SLC35F3: variants seen among roughly 807,000 people sequenced by gnomAD.
SLC35F3 encodes the protein putative thiamine transporter SLC35F3.
A neutral mutation model predicts 49.9 loss-of-function variants in SLC35F3; 25 were observed. The ratio of observed to expected loss-of-function variants is 0.50; its 90% confidence interval spans 0.37 to 0.70. The LOEUF (loss-of-function observed/expected upper bound fraction) is 0.70. SLC35F3 is among the 30% of genes least tolerant of loss of function. The probability of loss-of-function intolerance (pLI) is 0.00; values close to 1 mark genes in which losing one functional copy is unlikely to be tolerated. For synonymous variants in SLC35F3, 275 were observed against 265.4 expected, an observed-to-expected ratio of 1.04 and a Z score of -0.35; for missense variants, 525 against 639.8, an observed-to-expected ratio of 0.82 and a Z score of 1.94.
In SLC35F3 at chr1:233,996,977, G is replaced by A. The variant is rs923199703; in HGVS notation, c.283+91219G>A. ...TATTTGACATTTTGGGGTGTTTTTC[G>A]ATTTCACATGTAAGTGAGATCATCT... is the stretch of plus-strand genomic sequence containing the variant. On this transcript the variant is annotated intron_variant, in intron 2 of 7. Coordinates refer to ENST00000366618, the MANE Select transcript of SLC35F3 (RefSeq NM_173508.4). 7.9e-5 allele frequency among the ~76,000 whole-genome samples: 12 copies of A among 152,014 alleles called. 1 individual carries two copies. In the East Asian group the frequency reaches 2.1e-3, roughly 27 times the overall value.
intron 2 of SLC35F3, among the ~76,000 whole-genome samples, chr1:233,981,430 G>A (rs1299418224): frequency 2.0e-5 from 3 of 152,174 alleles, no homozygotes; most frequent in Admixed American, 6.5e-5. Context: ...CATCTTCTGA[G>A]ACTGGCTTCT....
At chr1:233,970,278 A>G (rs1436510243) in intron 2 of SLC35F3, among the ~76,000 whole-genome samples, 1 of 152,186 alleles carries the variant, frequency 6.6e-6, no homozygotes. Flanking sequence ...GGGAATGCTC[A>G]GTGAGTTCTT....
At chr1:234,142,269 CG>C (rs1358835657) in intron 2 of SLC35F3, among the ~76,000 whole-genome samples, 2 of 151,804 alleles carry the variant, frequency 1.3e-5, no homozygotes, top group African/African-American at 4.8e-5. Flanking sequence ...ATAAAGCTTA[CG>C]AAAAAAAAGA....
At position 234,259,378 on chromosome 1, in the gene SLC35F3, A is replaced by G. The variant is rs10910401; in HGVS notation, c.608+27637A>G. Among the ~76,000 whole-genome samples the G allele has an allele frequency of 2.6e-3, 391 of 152,282 alleles. 1 individual carries two copies. Among genetic ancestry groups the G allele is most frequent in the African/African-American group, 9.0e-3 (376 of 41,554 alleles). On this transcript the variant is annotated intron_variant, in intron 3 of 7. Transcript: ENST00000366618. ...ATTGAAATCAACAATAATAAGAAAGAAATAGGGTTTTTATTCAATCCAGAC... is the reference window on the plus strand; with the variant it reads ...ATTGAAATCAACAATAATAAGAAAGGAATAGGGTTTTTATTCAATCCAGAC...
intron 2 of SLC35F3, among the ~76,000 whole-genome samples, chr1:233,947,835 CAA>C (rs2102802960): frequency 6.9e-6 from 1 of 145,460 alleles, no homozygotes; most frequent in African/African-American, 2.5e-5. Context: ...GGCTGAGAGC[CAA>C]AAAAAGAGAA....
At chr1:234,081,936 T>A (rs986729340) in intron 2 of SLC35F3, among the ~76,000 whole-genome samples, 3 of 131,864 alleles carry the variant, frequency 2.3e-5, no homozygotes, top group South Asian at 2.4e-4. Flanking sequence ...TTTTTTTTTT[T>A]AGTAGAGACA....
chr1:233,951,997 A>G (rs1333229165), intron 2 of SLC35F3, among the ~76,000 whole-genome samples: 1 of 151,280 alleles, frequency 6.6e-6, no homozygotes, highest in African/African-American at 2.5e-5. Flanking sequence ...CACATCTATC[A>G]TTTTTTTCTC....
At chr1:234,139,993 A>ATAAAG (rs1665877450) in intron 2 of SLC35F3, among the ~76,000 whole-genome samples, 2 of 139,548 alleles carry the variant, frequency 1.4e-5, no homozygotes, top group Admixed American at 7.1e-5. Context: ...ATAAAATAAA[A>ATAAAG]TAAAATAAAG....
chr1:234,160,882 G>A (rs934697121), intron 2 of SLC35F3, among the ~76,000 whole-genome samples: 8 of 152,180 alleles, frequency 5.3e-5, no homozygotes, highest in African/African-American at 1.9e-4. Context: ...ATAAAATTGG[G>A]TATCTTTTCT....
At chr1:234,245,616 C>T (rs200752119) in intron 3 of SLC35F3, among the ~76,000 whole-genome samples, 1 of 142,370 alleles carries the variant, frequency 7.0e-6, no homozygotes, top group South Asian at 2.4e-4. Context: ...GATGGCTTTT[C>T]CCCTGCTCCA....
chr1:234,291,116 C>T (rs565740894), intron 3 of SLC35F3, among the ~76,000 whole-genome samples: 3 of 152,282 alleles, frequency 2.0e-5, no homozygotes, highest in South Asian at 2.1e-4. Flanking sequence ...CATGCCTGTT[C>T]GCCACCCCCC....
intron 2 of SLC35F3, among the ~76,000 whole-genome samples, chr1:234,043,796 C>A (rs1180377882): frequency 6.6e-6 from 1 of 152,130 alleles, no homozygotes; most frequent in Non-Finnish European, 1.5e-5. Flanking sequence ...CTATACATAG[C>A]ATTATGAAAT....
chr1:233,986,086 C>T (rs543415209), intron 2 of SLC35F3, among the ~76,000 whole-genome samples: 2 of 152,264 alleles, frequency 1.3e-5, no homozygotes, highest in African/African-American at 4.8e-5. Context: ...TAGCACTTAG[C>T]TCATACAATT....
chr1:234,262,807 C>T, intron 3 of SLC35F3, among the ~76,000 whole-genome samples: 1 of 152,206 alleles, frequency 6.6e-6, no homozygotes, highest in East Asian at 1.9e-4. Context: ...CTTCTCCTTT[C>T]CAGCCCCAAG....
chr1:234,216,348 A>G (rs1558263111), intron 2 of SLC35F3, among the ~76,000 whole-genome samples: 2 of 152,190 alleles, frequency 1.3e-5, no homozygotes, highest in Non-Finnish European at 2.9e-5. Context: ...TTCGAACTGC[A>G]CTGGAAGTGG....
chr1:234,323,183 C>G lies in SLC35F3; in HGVS notation c.1413C>G (p.Ala471=), dbSNP rs1294800992. ...AGGAGGAGCCTGCAGAGGGCGCTGC[C>G]GACCTGAGCTCAGGACCTCAGAGCA... The part of the protein sequence containing the change: ...RKKEEPAEGA[A]DLSSGPQSKN... Residue 471 remains alanine, a synonymous_variant, in exon 8 of 8, where the codon GCC becomes GCG. Transcript: ENST00000366618. The surrounding 1 kb of genome is among the most constrained non-coding windows in gnomAD (Gnocchi z 4.5). 1 of 1,614,102 alleles carries G rather than the reference C, an allele frequency of 6.2e-7. No individual in the cohort carries two copies. The highest frequency in any genetic ancestry group is 2.2e-5 in the East Asian group (1 of 44,888).
chr1:234,254,138 T>G (rs560304766), intron 3 of SLC35F3, among the ~76,000 whole-genome samples: 5 of 152,366 alleles, frequency 3.3e-5, no homozygotes, highest in African/African-American at 1.2e-4. Context: ...TTCCTTTGGC[T>G]TAATGATCTA....
At position 234,046,488 on chromosome 1, in the gene SLC35F3, A is replaced by G. The variant is rs1430759610; in HGVS notation, c.283+140730A>G. Among the ~76,000 whole-genome samples, 1 of 152,056 alleles carries G rather than the reference A, an allele frequency of 6.6e-6. No homozygotes were observed. Among genetic ancestry groups the G allele is most frequent in the Non-Finnish European group, 1.5e-5 (1 of 67,994 alleles). ...TTTCTGTATTGATTTGTAATTCTTT[A>G]TATAGTCTGGATAAATCCTTCGTCA... is the stretch of plus-strand genomic sequence containing the variant. On this transcript the variant is annotated intron_variant, in intron 2 of 7. Coordinates refer to ENST00000366618, the MANE Select transcript of SLC35F3 (RefSeq NM_173508.4). The surrounding 1 kb of genome is among the most constrained non-coding windows in gnomAD (Gnocchi z 4.4).
chr1:234,060,730 G>T (rs1664527455), intron 2 of SLC35F3, among the ~76,000 whole-genome samples: 1 of 152,126 alleles, frequency 6.6e-6, no homozygotes, highest in African/African-American at 2.4e-5. Context: ...AGGATTACAG[G>T]CATGAGCTAC....
Sources: gnomAD v4.1 joint callset for allele counts (sites outside exome capture counted in the v4.1 genomes callset) on GRCh38, gnomAD v4.1.1 for gene constraint, Gnocchi (gnomAD v3.1) non-coding constraint, MANE v1.5 for transcripts, NCBI Gene and HGNC (gene_info 2026-07-23, HGNC 2026-07-21) for gene names.